RAF1: variants seen among roughly 807,000 people sequenced by gnomAD.
The protein encoded by RAF1 is RAF proto-oncogene serine/threonine-protein kinase.
A neutral mutation model predicts 81.1 loss-of-function variants in RAF1; 27 were observed. The observed-to-expected ratio is 0.33, with a 90% CI of 0.25 to 0.46. The LOEUF (loss-of-function observed/expected upper bound fraction) is 0.46, where lower values mean the gene tolerates loss of function less well. Among genes scored for constraint, RAF1 ranks in the 20% least tolerant of loss-of-function variants. The pLI is 1.00. For missense variants in RAF1, 598 were observed against 826.0 expected (o/e 0.72, Z 3.38); for synonymous variants, 298 against 294.0 (o/e 1.01, Z -0.14).
intron 1 of RAF1, among the ~76,000 whole-genome samples, chr3:12,620,457 T>C (rs2059522392): frequency 6.6e-6 from 1 of 152,014 alleles, no homozygotes; most frequent in Non-Finnish European, 1.5e-5. Context: ...CCTTCCTCCA[T>C]CCACACTTTC....
intron 1 of RAF1, among the ~76,000 whole-genome samples, chr3:12,661,887 T>C (rs890066040): frequency 3.3e-5 from 5 of 152,004 alleles, no homozygotes; most frequent in Admixed American, 1.3e-4. Flanking sequence ...AAAACACTTA[T>C]CAAAAATGTT....
chr3:12,591,771 A>G lies in RAF1; in HGVS notation c.1190T>C (p.Leu397Pro). The change falls in exon 12 of 18, where the codon CTA becomes CCA. Residue 397 changes from leucine to proline, a missense_variant. Coordinates refer to ENST00000442415, the MANE Select transcript of RAF1 (RefSeq NM_001354689.3). Reference sequence around the variant, plus strand: ...CTCTGGGGTTGGGTCGACAACCTTTAGGATCTTTACTGCAACATCTCCTGC... The same window carrying G: ...CTCTGGGGTTGGGTCGACAACCTTTGGGATCTTTACTGCAACATCTCCTGC... 6.2e-7 allele frequency: 1 copy of G among 1,614,154 alleles called. No individual in the cohort carries two copies. Among genetic ancestry groups the G allele is most frequent in the East Asian group, 2.2e-5 (1 of 44,896 alleles).
intron 1 of RAF1, among the ~76,000 whole-genome samples, chr3:12,620,248 C>T (rs1471339519): frequency 2.6e-5 from 4 of 152,084 alleles, no homozygotes; most frequent in South Asian, 4.1e-4. Context: ...GATTCTCCTG[C>T]CTCAGCCTCC....
At position 12,584,533 on chromosome 3, in the gene RAF1, G is replaced by A. The variant is rs1382398408; in HGVS notation, c.1988C>T (p.Pro663Leu). ...AGTCAACTAGAAGACAGGCAGCCTC[G>A]GGGACGTGGTCAGCGTGCAAGCATT... Residue 663 changes from proline to leucine, a missense_variant, in exon 18 of 18, where the codon CCG becomes CTG. By Grantham distance (98) the Pro-to-Leu change is moderately conservative. Coordinates refer to ENST00000442415, the MANE Select transcript of RAF1 (RefSeq NM_001354689.3). 13 of 1,614,040 alleles carry A rather than the reference G, an allele frequency of 8.1e-6. No homozygotes were observed. Among genetic ancestry groups the A allele is most frequent in the East Asian group, 4.5e-5 (2 of 44,884 alleles).
chr3:12,608,913 G>A lies in RAF1; in HGVS notation c.434C>T (p.Thr145Met), dbSNP rs762448032. The change falls in exon 5 of 18, where the codon ACG becomes ATG. Residue 145 changes from threonine to methionine, a missense_variant. Around this residue, in one of 5 missense-constraint regions of RAF1, gnomAD observed 89 missense variants for 169.2 expected, o/e 0.53. Coordinates refer to ENST00000442415, the MANE Select transcript of RAF1 (RefSeq NM_001354689.3). ...GTCACAGAAGGCAAGCTTCAGGAAC[G>A]TCTTCCGAGCCTACAACAAGAACAC... 6 of 1,613,962 alleles carry A rather than the reference G, an allele frequency of 3.7e-6. No homozygotes were observed. The highest frequency in any genetic ancestry group is 1.3e-5 in the African/African-American group (1 of 74,894).
At chr3:12,591,570 G>C in intron 12 of RAF1, 138 bp downstream of exon 11, 1 of 737,498 alleles carries the variant, frequency 1.4e-6, no homozygotes, top group Non-Finnish European at 2.4e-6. Flanking sequence ...CAAGGGAGGA[G>C]CATCCAACCA....
In RAF1 at chr3:12,609,403, C is replaced by T. The variant is rs538443368; in HGVS notation, c.321-68G>A. The T allele has an allele frequency of 2.9e-6, 3 of 1,047,240 alleles. No individual in the cohort carries two copies. The African/African-American group carries it at 4.7e-5, about 16-fold the overall frequency. 64.9% of individuals were successfully genotyped at this position (1,047,240 alleles called of 1,614,324 possible). A position where few individuals can be genotyped will look rare whatever the true frequency, so the allele number is the denominator to read the frequency against. ...CAAAGTTCAATAGAAATAACAACAG[C>T]TACCATTTATCACATGCCATATAAA... On this transcript the variant is annotated intron_variant, in intron 3 of 17. Transcript: ENST00000442415.
At chr3:12,597,405 G>C (rs990072805) in intron 11 of RAF1, among the ~76,000 whole-genome samples, 1 of 151,954 alleles carries the variant, frequency 6.6e-6, no homozygotes, top group African/African-American at 2.4e-5. Context: ...ATTAAACTTG[G>C]GTACAACTTA....
At chr3:12,630,009 T>TGGCCTCAAGTGACCCTCCC (rs2059815949) in intron 1 of RAF1, among the ~76,000 whole-genome samples, 1 of 152,226 alleles carries the variant, frequency 6.6e-6, no homozygotes, top group African/African-American at 2.4e-5. Flanking sequence ...GTTGAACTCC[T>TGGCCTCAAGTGACCCTCCC]GGCCTCAAGT....
Position 12,600,277 on chromosome 3 carries a change from A to G in RAF1, c.925T>C (p.Ser309Pro). The change falls in exon 10 of 18, where the codon TCA becomes CCA. Residue 309 changes from serine (S) to proline (P), a missense_variant and splice_region_variant. By Grantham distance (74) the Ser-to-Pro change is moderately conservative (BLOSUM62 -1). Coordinates refer to ENST00000442415, the MANE Select transcript of RAF1 (RefSeq NM_001354689.3). Reference sequence around the variant, plus strand: ...GGGCTACTGGACAGGGCTGAAGGTGAGGCTTAATAGACAAGACAAACAGAA... The same window carrying G: ...GGGCTACTGGACAGGGCTGAAGGTGGGGCTTAATAGACAAGACAAACAGAA... The G allele has an allele frequency of 6.2e-7, 1 of 1,614,180 alleles. No homozygotes were observed. Among genetic ancestry groups the G allele is most frequent in the Non-Finnish European group, 8.5e-7 (1 of 1,180,034 alleles).
chr3:12,625,762 T>TA (rs2059684072), intron 1 of RAF1, among the ~76,000 whole-genome samples: 2 of 152,142 alleles, frequency 1.3e-5, no homozygotes, highest in African/African-American at 4.8e-5. Context: ...TTCGAGGCTG[T>TA]AGTGCATGAC....
In RAF1 at chr3:12,658,582, A is replaced by G. The variant is rs137984007; in HGVS notation, c.-27+5231T>C. On this transcript the variant is annotated intron_variant, in intron 1 of 17. Transcript: ENST00000442415. ...ATGCCACTGCACTCCAGCCTGGGCA[A>G]CAAGAACGAAACTCCGTCTCAAAAA... Among the ~76,000 whole-genome samples the G allele has an allele frequency of 3.1e-3, 468 of 152,328 alleles. 1 individual carries two copies. Among genetic ancestry groups the G allele is most frequent in the African/African-American group, 0.01 (427 of 41,576 alleles).
At chr3:12,658,142 C>A (rs1002685782) in intron 1 of RAF1, among the ~76,000 whole-genome samples, 1 of 152,058 alleles carries the variant, frequency 6.6e-6, no homozygotes, top group African/African-American at 2.4e-5. Flanking sequence ...GAATATGTTC[C>A]AAGACTACCA....
rs1004835886 is a variant in RAF1, at chr3:12,608,981, A to T, written c.424-58T>A. 1.4e-5 allele frequency: 23 copies of T among 1,598,186 alleles called. No homozygotes were observed. The Admixed American group carries it at 2.0e-4, about 14-fold the overall frequency. On this transcript the variant is annotated intron_variant, in intron 4 of 17. Coordinates refer to ENST00000442415, the MANE Select transcript of RAF1 (RefSeq NM_001354689.3). ...AATAAATAAAAGATGACAAAAGACAACTTCATTTCTTGGCCTCCAAAAAAG... is the reference window on the plus strand; with the variant it reads ...AATAAATAAAAGATGACAAAAGACATCTTCATTTCTTGGCCTCCAAAAAAG...
chr3:12,644,489 T>C (rs2060284603), intron 1 of RAF1, among the ~76,000 whole-genome samples: 3 of 152,170 alleles, frequency 2.0e-5, no homozygotes, highest in Non-Finnish European at 2.9e-5. Flanking sequence ...AGGAGTTAAG[T>C]GTACAAGAAC....
intron 1 of RAF1, among the ~76,000 whole-genome samples, chr3:12,636,257 G>T (rs1231558223): frequency 6.6e-6 from 1 of 151,454 alleles, no homozygotes; most frequent in African/African-American, 2.4e-5. Flanking sequence ...CTGCACTCCA[G>T]CCTGGGTGAC....
At chr3:12,616,050 T>TA (rs34276404) in intron 2 of RAF1, among the ~76,000 whole-genome samples, 5 of 151,582 alleles carry the variant, frequency 3.3e-5, no homozygotes, top group East Asian at 3.9e-4. Flanking sequence ...AGCCTCCATC[T>TA]AAAAAAAATA....
chr3:12,612,143 G>A lies in RAF1; in HGVS notation c.208-81C>T, dbSNP rs1018608065. On this transcript the variant is annotated intron_variant, in intron 2 of 17. Transcript: ENST00000442415. ...GGTGGGCACAGAAATAAATGCACCAGTCTGTATTGCTTGTGATGGCCCACG... is the reference window on the plus strand; with the variant it reads ...GGTGGGCACAGAAATAAATGCACCAATCTGTATTGCTTGTGATGGCCCACG... The A allele has an allele frequency of 2.0e-5, 22 of 1,087,668 alleles. No individual in the cohort carries two copies. The African/African-American group carries it at 2.6e-4, about 13-fold the overall frequency. The allele number at this position is 1,087,668 out of a possible 1,614,324, so 67.4% of individuals were successfully genotyped here. A position where few individuals can be genotyped will look rare whatever the true frequency, so the allele number is the denominator to read the frequency against.
chr3:12,653,174 T>C (rs976802602), intron 1 of RAF1, among the ~76,000 whole-genome samples: 15 of 150,584 alleles, frequency 1.0e-4, no homozygotes, highest in African/African-American at 3.4e-4. Context: ...CCTAGCTACT[T>C]GGGAGACTGA....
Sources: allele counts gnomAD v4.1 joint callset (sites outside exome capture counted in the v4.1 genomes callset), GRCh38; gene constraint gnomAD v4.1.1; regional missense constraint gnomAD v4.1.1; transcripts MANE v1.5; gene names NCBI Gene and HGNC (gene_info 2026-07-23, HGNC 2026-07-21).